NDST3: variants seen among roughly 807,000 people sequenced by gnomAD.
NDST3 encodes the protein bifunctional heparan sulfate N-deacetylase/N-sulfotransferase 3.
NDST3 carries 58 observed loss-of-function variants against 96.1 expected under a neutral mutation model. The observed-to-expected ratio is 0.60, with a 90% confidence interval of 0.49 to 0.75. The LOEUF is 0.75. Ranked by LOEUF, NDST3 falls within the 30% of genes least tolerant of loss-of-function variation. The pLI, the probability that NDST3 is intolerant of heterozygous loss-of-function variation, is 0.00. For missense variants in NDST3, 788 were observed against 1,034.2 expected, an observed-to-expected ratio of 0.76 and a Z score of 3.27; for synonymous variants, 333 against 359.7, an observed-to-expected ratio of 0.93 and a Z score of 0.84.
intron 6 of NDST3, among the ~76,000 whole-genome samples, chr4:118,183,138 A>G (rs1327741499): frequency 3.3e-5 from 5 of 152,142 alleles, no homozygotes; most frequent in African/African-American, 1.2e-4. Context: ...TCCATTCTCC[A>G]CCAGACGACA....
At chr4:118,140,115 G>T (rs1438189885) in intron 5 of NDST3, among the ~76,000 whole-genome samples, 2 of 151,988 alleles carry the variant, frequency 1.3e-5, no homozygotes, top group Non-Finnish European at 2.9e-5. Context: ...TTTCCCTATG[G>T]CTGAAGCACA....
chr4:118,092,519 C>CTT (rs1472950867), intron 2 of NDST3, among the ~76,000 whole-genome samples: 1 of 151,568 alleles, frequency 6.6e-6, no homozygotes, highest in Non-Finnish European at 1.5e-5. Context: ...TATCTTTTTG[C>CTT]TTTTTCTACT....
chr4:118,223,245 G>A (rs571615913), intron 6 of NDST3, among the ~76,000 whole-genome samples: 1 of 151,998 alleles, frequency 6.6e-6, no homozygotes, highest in East Asian at 1.9e-4. Context: ...CTAATGTTCT[G>A]ATAAATTTTA....
chr4:118,177,427 T>G (rs1307648352), intron 6 of NDST3, among the ~76,000 whole-genome samples: 1 of 152,054 alleles, frequency 6.6e-6, no homozygotes, highest in Non-Finnish European at 1.5e-5. Context: ...TTGTCTTTGA[T>G]GAAATCACTG....
At chr4:118,216,352 G>T (rs1333638468) in intron 6 of NDST3, among the ~76,000 whole-genome samples, 1 of 151,964 alleles carries the variant, frequency 6.6e-6, no homozygotes, top group Non-Finnish European at 1.5e-5. Flanking sequence ...AAGAAATGAT[G>T]TTTCTCCAAA....
intron 6 of NDST3, among the ~76,000 whole-genome samples, chr4:118,168,624 A>G (rs1442815246): frequency 6.6e-6 from 1 of 152,170 alleles, no homozygotes; most frequent in Non-Finnish European, 1.5e-5. Flanking sequence ...ACTTCCGGGT[A>G]TACATCCAAA....
intron 2 of NDST3, among the ~76,000 whole-genome samples, chr4:118,089,600 T>G (rs1025898965): frequency 3.3e-5 from 5 of 151,996 alleles, no homozygotes; most frequent in Non-Finnish European, 5.9e-5. Context: ...TAAACAAATG[T>G]GATCTCAGAT....
At chr4:118,224,389 G>T in intron 6 of NDST3, 102 bp from the exon 7 acceptor site, 7 of 1,036,324 alleles carry the variant, frequency 6.8e-6, no homozygotes, top group Non-Finnish European at 8.2e-6. Context: ...CTGAAACCCT[G>T]TGCAGACTAC....
intron 1 of NDST3, among the ~76,000 whole-genome samples, chr4:118,052,426 C>G (rs2110443578): frequency 6.6e-6 from 1 of 152,054 alleles, no homozygotes; most frequent in Non-Finnish European, 1.5e-5. Context: ...GAAAAACTAC[C>G]TATTGGGTAC....
intron 6 of NDST3, among the ~76,000 whole-genome samples, chr4:118,220,857 G>C (rs1345679190): frequency 1.3e-5 from 2 of 151,998 alleles, no homozygotes; most frequent in Non-Finnish European, 2.9e-5. Context: ...TTTAAAATGT[G>C]TTTAAAAAGG....
intron 6 of NDST3, among the ~76,000 whole-genome samples, chr4:118,178,331 C>G (rs1736397155): frequency 6.6e-6 from 1 of 151,994 alleles, no homozygotes; most frequent in Non-Finnish European, 1.5e-5. Context: ...AACAGCAATT[C>G]CGTATTCCTC....
chr4:118,212,247 T>C (rs901768864), intron 6 of NDST3, among the ~76,000 whole-genome samples: 4 of 152,186 alleles, frequency 2.6e-5, no homozygotes, highest in African/African-American at 9.6e-5. Flanking sequence ...CAGTCTGGAT[T>C]AAAAGTAGAG....
chr4:118,066,233 TTATATATTATATATATTATATATTA>T (rs1360037521), intron 2 of NDST3, among the ~76,000 whole-genome samples: 1,470 of 60,886 alleles, frequency 0.024, 448 homozygotes, highest in African/African-American at 0.058. Flanking sequence ...ATTATATATA[TTATATATTATATATATTATATATTA>T]TATATATTAT....
In NDST3 at chr4:118,241,396, AATATC is replaced by A. The variant is rs146743926; in HGVS notation, c.2290-642_2290-638del. On this transcript the variant is annotated intron_variant, in intron 11 of 13. Transcript: ENST00000296499. ...ACAGTGCTGGTCTAGGCTAAACAGA[AATATC>A]AGAGAAGAGGTATGGATAGACAAGA... 2.4e-3 allele frequency among the ~76,000 whole-genome samples: 366 copies of A among 152,338 alleles called. 2 individuals are homozygous for A. The highest frequency in any genetic ancestry group is 8.2e-3 in the African/African-American group (339 of 41,590).
Position 118,054,205 on chromosome 4 carries a change from C to T in NDST3, c.295C>T (p.Leu99=). Residue 99 remains leucine, a synonymous_variant, in exon 2 of 14, where the codon CTA becomes TTA. Transcript: ENST00000296499. ...TCTTGGTCAAGACATCATTATGATT[C>T]TAGAATCAAGTAGATTCCAGTATCA... ...SSLGQDIIMI[L]ESSRFQYHIE... is the part of the protein sequence containing the mutation. 1 of 1,612,934 alleles carries T rather than the reference C, an allele frequency of 6.2e-7. No individual in the cohort carries two copies. The highest frequency in any genetic ancestry group is 1.1e-5 in the South Asian group (1 of 91,042).
intron 5 of NDST3, among the ~76,000 whole-genome samples, chr4:118,140,799 C>G (rs967358677): frequency 7.9e-5 from 12 of 152,216 alleles, no homozygotes; most frequent in Non-Finnish European, 1.8e-4. Context: ...ATCACAAGAA[C>G]AGCATGTGGG....
rs542255488 is a variant in NDST3 at position 118,081,497 on chromosome 4, T to C, written c.982-23521T>C. 5.8e-4 allele frequency among the ~76,000 whole-genome samples: 88 copies of C among 152,270 alleles called. 1 individual carries two copies. The highest frequency in any genetic ancestry group is 2.0e-3 in the African/African-American group (85 of 41,566). Reference sequence around the variant, plus strand: ...GTACTTAGTTTTACATACATAAATTTACTTCTTTCTTAATGAAAATATGTG... The same window carrying C: ...GTACTTAGTTTTACATACATAAATTCACTTCTTTCTTAATGAAAATATGTG... On this transcript the variant is annotated intron_variant, in intron 2 of 13. Transcript: ENST00000296499.
Position 118,205,901 on chromosome 4 carries a change from C to T in NDST3, c.1540-18590C>T, listed in dbSNP as rs1738410247. On this transcript the variant is annotated intron_variant, in intron 6 of 13. Coordinates refer to ENST00000296499, the MANE Select transcript of NDST3 (RefSeq NM_004784.3). ...AGGCTGGAGTGCAGTGCCGCGATCTCGGCTCACTGCAAGCTCCGCCTCCCA... is the reference window on the plus strand; with the variant it reads ...AGGCTGGAGTGCAGTGCCGCGATCTTGGCTCACTGCAAGCTCCGCCTCCCA... Among the ~76,000 whole-genome samples, 4 of 137,684 alleles carry T rather than the reference C, an allele frequency of 2.9e-5. 1 individual carries two copies. Among genetic ancestry groups the T allele is most frequent in the Admixed American group, 2.9e-4 (4 of 13,834 alleles). The allele number at this position is 137,684 out of a possible 152,430, so 90.3% of individuals were successfully genotyped here.
chr4:118,253,491 T>C lies in NDST3; in HGVS notation c.2400-8T>C. ...TGGTTTTTCTGTGTGTATTCTTTTT[T>C]TTTTTAGGTTTGATTCTCATAAAGG... is the stretch of plus-strand genomic sequence containing the variant. On this transcript the variant is annotated splice_region_variant and splice_polypyrimidine_tract_variant and intron_variant, in intron 12 of 13. Transcript: ENST00000296499. 1 of 1,580,766 alleles carries C rather than the reference T, an allele frequency of 6.3e-7. No homozygotes were observed. Among genetic ancestry groups the C allele is most frequent in the Non-Finnish European group, 8.6e-7 (1 of 1,159,870 alleles).
Sources: allele counts gnomAD v4.1 joint callset (sites outside exome capture counted in the v4.1 genomes callset), GRCh38; gene constraint gnomAD v4.1.1; transcripts MANE v1.5; gene names NCBI Gene and HGNC (gene_info 2026-07-23, HGNC 2026-07-21).